Variants in TNIK observed in about 807,000 individuals in gnomAD.
TNIK encodes the protein TRAF2 and NCK-interacting protein kinase.
Under a neutral mutation model 191.3 loss-of-function variants are expected in TNIK, and 49 were observed. The ratio of observed to expected loss-of-function variants is 0.26; its 90% CI spans 0.20 to 0.32. TNIK has a LOEUF of 0.32. Ranked by LOEUF, TNIK falls within the 10% of genes least tolerant of loss-of-function variation. The pLI is 1.00. For missense variants in TNIK, 1,155 were observed against 1,702.3 expected (o/e 0.68, Z 5.66); for synonymous variants, 594 against 600.9 (o/e 0.99, Z 0.17).
chr3:171,408,250 T>C, intron 1 of TNIK, among the ~76,000 whole-genome samples: 1 of 152,144 alleles, frequency 6.6e-6, no homozygotes, highest in Admixed American at 6.5e-5. Flanking sequence ...AAATACCACA[T>C]TAGGGCTTTT....
At chr3:171,230,266 C>T (rs1308228115) in intron 2 of TNIK, among the ~76,000 whole-genome samples, 2 of 152,158 alleles carry the variant, frequency 1.3e-5, no homozygotes, top group East Asian at 3.9e-4. Flanking sequence ...AATGATGACC[C>T]TTGCAAAGGA....
intron 3 of TNIK, among the ~76,000 whole-genome samples, chr3:171,223,091 G>A (rs1340056043): frequency 6.6e-6 from 1 of 152,158 alleles, no homozygotes; most frequent in Non-Finnish European, 1.5e-5. Flanking sequence ...CCCTCCTAAT[G>A]TGTCTAGATT....
intron 2 of TNIK, among the ~76,000 whole-genome samples, chr3:171,357,659 G>A (rs1219443852): frequency 1.3e-5 from 2 of 151,334 alleles, no homozygotes; most frequent in Admixed American, 1.3e-4. Flanking sequence ...GAGACAGCCA[G>A]ACAGAGGATT....
chr3:171,312,770 CT>C, intron 2 of TNIK, among the ~76,000 whole-genome samples: 1 of 152,162 alleles, frequency 6.6e-6, no homozygotes, highest in African/African-American at 2.4e-5. Flanking sequence ...CATTCATGGC[CT>C]TACCTGTGTG....
intron 2 of TNIK, among the ~76,000 whole-genome samples, chr3:171,344,279 C>A (rs1711799839): frequency 6.6e-6 from 1 of 152,132 alleles, no homozygotes; most frequent in African/African-American, 2.4e-5. Context: ...CAAGATTTGA[C>A]CTTGAGATTG....
At chr3:171,241,517 C>A (rs1020976222) in intron 2 of TNIK, among the ~76,000 whole-genome samples, 6 of 152,160 alleles carry the variant, frequency 3.9e-5, no homozygotes, top group African/African-American at 1.2e-4. Flanking sequence ...TATTTAAATT[C>A]TCTCTAAAGA....
At chr3:171,152,610 A>G (rs1484631303) in intron 12 of TNIK, among the ~76,000 whole-genome samples, 2 of 152,134 alleles carry the variant, frequency 1.3e-5, no homozygotes, top group Non-Finnish European at 2.9e-5. Context: ...CAGGGCATGC[A>G]GGTAGTAGTA....
At chr3:171,182,278 C>T (rs902398005) in intron 7 of TNIK, among the ~76,000 whole-genome samples, 1 of 145,612 alleles carries the variant, frequency 6.9e-6, no homozygotes, top group Admixed American at 7.2e-5. Flanking sequence ...CTACACTCAA[C>T]TGCCCATGCT....
Position 171,087,448 on chromosome 3 carries a change from ATGTGGCCAGCAAAGCCATTGCTGTCAC to A in TNIK, c.2753_2779del (p.Ser918_His926del). 1 of 1,613,912 alleles carries A rather than the reference ATGTGGCCAGCAAAGCCATTGCTGTCAC, an allele frequency of 6.2e-7. No individual in the cohort carries two copies. The highest frequency in any genetic ancestry group is 1.1e-5 in the South Asian group (1 of 91,084). On this transcript the variant is annotated inframe_deletion, in exon 24 of 33. Transcript: ENST00000436636. ...CTGCTGCACCAGGTCAGGGAGGTTG[ATGTGGCCAGCAAAGCCATTGCTGTCAC>A]TGTGGCCAGATCGCTTCTTCTCTCC... is the stretch of plus-strand genomic sequence containing the variant.
chr3:171,368,547 C>T (rs1005922275), intron 2 of TNIK, among the ~76,000 whole-genome samples: 2 of 152,118 alleles, frequency 1.3e-5, no homozygotes, highest in African/African-American at 4.8e-5. Context: ...AGGAAATAAT[C>T]GTTTCTTGCA....
Position 171,282,334 on chromosome 3 carries a change from G to GTTTTTTTTTTTTTTTTTTT in TNIK, c.124-54114_124-54113insAAAAAAAAAAAAAAAAAAA, listed in dbSNP as rs201489240. Among the ~76,000 whole-genome samples, 495 of 114,378 alleles carry GTTTTTTTTTTTTTTTTTTT rather than the reference G, an allele frequency of 4.3e-3. 47 individuals carry two copies. The highest frequency in any genetic ancestry group is 5.4e-3 in the African/African-American group (156 of 28,852). 75.0% of individuals were successfully genotyped at this position (114,378 alleles called of 152,430 possible). A position where few individuals can be genotyped will look rare whatever the true frequency, so the allele number is the denominator to read the frequency against. Reference sequence around the variant, plus strand: ...GAACTATCTGCAGATTCTCTTAATGGTTTTTTGTTTTTTTTTTTTTTTTTG... The same window carrying GTTTTTTTTTTTTTTTTTTT: ...GAACTATCTGCAGATTCTCTTAATGGTTTTTTTTTTTTTTTTTTTTTTTTTGTTTTTTTTTTTTTTTTTG... On this transcript the variant is annotated intron_variant, in intron 2 of 32. Coordinates refer to ENST00000436636, the MANE Select transcript of TNIK (RefSeq NM_015028.4).
chr3:171,206,807 G>A (rs1740151422), intron 4 of TNIK, among the ~76,000 whole-genome samples: 1 of 152,022 alleles, frequency 6.6e-6, no homozygotes, highest in Non-Finnish European at 1.5e-5. Flanking sequence ...AAAGAGTCAA[G>A]CCCTATTAAC....
At chr3:171,104,067 TAAACTTAAAG>T (rs1724164776) in intron 21 of TNIK, among the ~76,000 whole-genome samples, 1,775 of 152,008 alleles carry the variant, frequency 0.012, 115 homozygotes, top group African/African-American at 0.041. Context: ...AAATAACAAT[TAAACTTAAAG>T]GAAATTTTCA....
chr3:171,440,527 G>A (rs1214795950), intron 1 of TNIK, among the ~76,000 whole-genome samples: 16 of 152,216 alleles, frequency 1.1e-4, no homozygotes, highest in African/African-American at 3.9e-4. Flanking sequence ...GTGTATGGAG[G>A]TGGAATGGGG....
At chr3:171,150,321 A>C (rs1732269359) in intron 12 of TNIK, among the ~76,000 whole-genome samples, 1 of 152,208 alleles carries the variant, frequency 6.6e-6, no homozygotes, top group African/African-American at 2.4e-5. Context: ...ACTGAGACAT[A>C]GAGAAGTCAT....
At chr3:171,353,160 ATAG>A (rs754654445) in intron 2 of TNIK, among the ~76,000 whole-genome samples, 1 of 152,196 alleles carries the variant, frequency 6.6e-6, no homozygotes, top group East Asian at 1.9e-4. Flanking sequence ...AGAACTAGAA[ATAG>A]TAGTCTTCAG....
At chr3:171,318,896 G>C (rs1434812338) in intron 2 of TNIK, among the ~76,000 whole-genome samples, 1 of 152,070 alleles carries the variant, frequency 6.6e-6, no homozygotes, top group Non-Finnish European at 1.5e-5. Flanking sequence ...CCAGCATGGT[G>C]GCTCATACCT....
chr3:171,079,415 C>T (rs1000924976), intron 28 of TNIK, 103 bp downstream of exon 28: 26 of 1,360,022 alleles, frequency 1.9e-5, no homozygotes, highest in Non-Finnish European at 2.6e-5. Context: ...AAGCTGGTCA[C>T]ACATGCATCA....
intron 1 of TNIK, among the ~76,000 whole-genome samples, chr3:171,403,862 T>G (rs1721308088): frequency 6.6e-6 from 1 of 152,212 alleles, no homozygotes; most frequent in African/African-American, 2.4e-5. Context: ...GTTCTAAGAT[T>G]GTTTTCTGCT....
Sources: allele counts gnomAD v4.1 joint callset (sites outside exome capture counted in the v4.1 genomes callset), GRCh38; gene constraint gnomAD v4.1.1; transcripts MANE v1.5; gene names NCBI Gene and HGNC (gene_info 2026-07-23, HGNC 2026-07-21).